Variants in CNBD1 observed in about 807,000 individuals in gnomAD.
CNBD1 encodes cyclic nucleotide-binding domain-containing protein 1.
In CNBD1, 71 loss-of-function variants were observed where a neutral mutation model predicts 54.4. That is an observed-to-expected ratio of 1.30 (90% confidence interval 1.08 to 1.59). The LOEUF (loss-of-function observed/expected upper bound fraction) is 1.59, where lower values mean the gene tolerates loss of function less well. CNBD1 is among the 40% of genes most tolerant of loss of function. The pLI, the probability that CNBD1 is intolerant of heterozygous loss-of-function variation, is 0.00. For synonymous variants in CNBD1, 182 were observed against 170.7 expected (o/e 1.07, Z -0.51); for missense variants, 659 against 518.0 (o/e 1.27, Z -2.64).
intron 2 of CNBD1, among the ~76,000 whole-genome samples, chr8:86,888,913 A>G (rs2131789128): frequency 6.6e-6 from 1 of 152,146 alleles, no homozygotes; most frequent in South Asian, 2.1e-4. Context: ...ATCTAGAGCT[A>G]GTTCTCTCAA....
At chr8:87,136,568 A>ATAT (rs1473763831) in intron 4 of CNBD1, among the ~76,000 whole-genome samples, 1 of 96,484 alleles carries the variant, frequency 1.0e-5, no homozygotes, top group Non-Finnish European at 1.9e-5. Context: ...ATTATATATT[A>ATAT]TATTTATATT....
chr8:86,962,834 T>G (rs1807966659), intron 4 of CNBD1, among the ~76,000 whole-genome samples: 1 of 151,986 alleles, frequency 6.6e-6, no homozygotes, highest in African/African-American at 2.4e-5. Flanking sequence ...GAAATCTGAC[T>G]GGCAAGAACC....
intron 6 of CNBD1, among the ~76,000 whole-genome samples, chr8:87,267,804 CA>C (rs1808292378): frequency 6.9e-6 from 1 of 144,322 alleles, no homozygotes; most frequent in Admixed American, 7.1e-5. Flanking sequence ...CATTATTTTT[CA>C]ATGGATATAT....
At position 87,077,203 on chromosome 8, in the gene CNBD1, T is replaced by C. The variant is rs150570916; in HGVS notation, c.432-128790T>C. On this transcript the variant is annotated intron_variant, in intron 4 of 10. Transcript: ENST00000518476. ...ACTCGCCTTAATCAGTTTGGGCTGC[T>C]ATAACAAATTACCATAGATGGAGCG... Among the ~76,000 whole-genome samples, 634 of 152,284 alleles carry C rather than the reference T, an allele frequency of 4.2e-3. 7 individuals are homozygous for C. The highest frequency in any genetic ancestry group is 0.031 in the Middle Eastern group (9 of 294).
chr8:87,368,337 T>C (rs1037609498), intron 10 of CNBD1, among the ~76,000 whole-genome samples: 3 of 151,904 alleles, frequency 2.0e-5, no homozygotes, highest in Non-Finnish European at 4.4e-5. Flanking sequence ...GATAAATATG[T>C]AATTAATAAA....
chr8:86,991,177 T>C (rs969578128), intron 4 of CNBD1, among the ~76,000 whole-genome samples: 2 of 152,152 alleles, frequency 1.3e-5, no homozygotes, highest in Admixed American at 6.5e-5. Flanking sequence ...TATTTCTTTA[T>C]CTTATGTGAT....
chr8:87,146,782 C>T (rs1308537949), intron 4 of CNBD1, among the ~76,000 whole-genome samples: 1 of 152,148 alleles, frequency 6.6e-6, no homozygotes, highest in Non-Finnish European at 1.5e-5. Flanking sequence ...GTGCAAAACA[C>T]TATCATCTGT....
intron 10 of CNBD1, among the ~76,000 whole-genome samples, chr8:87,382,225 C>G (rs1472821587): frequency 6.6e-6 from 1 of 151,814 alleles, no homozygotes; most frequent in African/African-American, 2.4e-5. Context: ...GGAATTCTAG[C>G]TAACTGGTTA....
rs1041579462 is a variant in CNBD1, at chr8:87,331,524, T to C, written c.1043-20161T>C. On this transcript the variant is annotated intron_variant, in intron 8 of 10. Transcript: ENST00000518476. ...TGTGAATAGTGCTGCAATAAACATA[T>C]GTGTGCATGTATCTTTATAATAGAA... is the stretch of plus-strand genomic sequence containing the variant. Among the ~76,000 whole-genome samples the C allele has an allele frequency of 2.0e-5, 3 of 152,302 alleles. No homozygotes were observed. The South Asian group carries it at 6.2e-4, about 32-fold the overall frequency.
chr8:87,395,085 A>C (rs1193954805), intron 2 of CNBD1, among the ~76,000 whole-genome samples: 1 of 151,956 alleles, frequency 6.6e-6, no homozygotes, highest in African/African-American at 2.4e-5. Flanking sequence ...AATAACATAA[A>C]GTTAAATGTA....
At chr8:87,048,265 AG>A (rs1322132677) in intron 4 of CNBD1, among the ~76,000 whole-genome samples, 2 of 151,676 alleles carry the variant, frequency 1.3e-5, no homozygotes, top group African/African-American at 2.4e-5. Flanking sequence ...GTGGGCAAGG[AG>A]GTTATATATT....
chr8:87,082,108 C>T (rs148434962), intron 4 of CNBD1, among the ~76,000 whole-genome samples: 409 of 152,286 alleles, frequency 2.7e-3, no homozygotes, highest in African/African-American at 9.6e-3. Context: ...TCCAGATGAC[C>T]TGGAGCAACT....
Position 87,353,730 on chromosome 8 carries a change from C to A in CNBD1, c.1247C>A (p.Thr416Lys). The A allele has an allele frequency of 6.2e-7, 1 of 1,611,240 alleles. No homozygotes were observed. The highest frequency in any genetic ancestry group is 8.5e-7 in the Non-Finnish European group (1 of 1,178,598). Residue 416 changes from threonine to lysine, a missense_variant, in exon 10 of 11, where the codon ACA becomes AAA. Coordinates refer to ENST00000518476, the MANE Select transcript of CNBD1 (RefSeq NM_173538.3). ...SVLLQVPFTC[T>K]IITKKEVEMA... ...CTTCTTCAAGTTCCTTTCACGTGCA[C>A]AATCATTACCAAAAAAGAAGTTGAG...
chr8:87,053,946 T>C (rs779497379), intron 4 of CNBD1, among the ~76,000 whole-genome samples: 1 of 152,222 alleles, frequency 6.6e-6, no homozygotes, highest in African/African-American at 2.4e-5. Context: ...GGATGCAGAA[T>C]GGATGCCTTA....
At chr8:86,886,474 T>C (rs1808682358) in intron 1 of CNBD1, among the ~76,000 whole-genome samples, 1 of 152,178 alleles carries the variant, frequency 6.6e-6, no homozygotes, top group African/African-American at 2.4e-5. Flanking sequence ...TGATATGATA[T>C]GGATAACAAT....
intron 10 of CNBD1, among the ~76,000 whole-genome samples, chr8:87,378,557 C>A (rs1454365488): frequency 1.3e-5 from 2 of 150,450 alleles, no homozygotes; most frequent in Non-Finnish European, 2.9e-5. Context: ...GTTACTGTAG[C>A]CTTGTTGTAT....
chr8:86,983,823 A>G (rs1490233823), intron 4 of CNBD1, among the ~76,000 whole-genome samples: 2 of 152,238 alleles, frequency 1.3e-5, no homozygotes, highest in East Asian at 3.8e-4. Flanking sequence ...TTATAAGGGA[A>G]GAAGAGTATA....
chr8:87,362,898 A>T (rs956447464), intron 10 of CNBD1, among the ~76,000 whole-genome samples: 6 of 152,002 alleles, frequency 3.9e-5, no homozygotes, highest in Admixed American at 3.9e-4. Flanking sequence ...CTTTAAGTTA[A>T]GAACGTGCAG....
chr8:87,382,383 C>G (rs1191729663), intron 10 of CNBD1, among the ~76,000 whole-genome samples: 3 of 151,922 alleles, frequency 2.0e-5, no homozygotes, highest in Non-Finnish European at 4.4e-5. Context: ...GATCAAATCA[C>G]TCCATATAAT....
Sources: allele counts gnomAD v4.1 joint callset (sites outside exome capture counted in the v4.1 genomes callset), GRCh38; gene constraint gnomAD v4.1.1; transcripts MANE v1.5; gene names NCBI Gene and HGNC (gene_info 2026-07-23, HGNC 2026-07-21).